Variants in MAGEA11 observed in about 807,000 individuals in gnomAD.
MAGEA11 encodes MAGE family member A11.
MAGEA11 carries 1 observed loss-of-function variant against 8.4 expected under a neutral mutation model. The observed-to-expected ratio is 0.12, with a 90% CI of 0.04 to 0.57. The LOEUF (loss-of-function observed/expected upper bound fraction) is 0.57. Ranked by LOEUF, MAGEA11 falls within the 20% of genes least tolerant of loss-of-function variation. The pLI is 0.91. For missense variants in MAGEA11, 209 were observed against 317.3 expected, an observed-to-expected ratio of 0.66 and a Z score of 2.59; for synonymous variants, 127 against 119.3, an observed-to-expected ratio of 1.06 and a Z score of -0.42.
intron 4 of MAGEA11, 26 bp from the exon 5 acceptor site, chrX:149,715,727 T>G: frequency 1.7e-6 from 2 of 1,201,271 alleles, no homozygotes; most frequent in Non-Finnish European, 1.1e-6. Flanking sequence ...CATCTGAGTC[T>G]GTTCTCACGC....
At chrX:149,704,078 A>G (rs1334608963) in intron 1 of MAGEA11, among the ~76,000 whole-genome samples, 1 of 112,401 alleles carries the variant, frequency 8.9e-6, no homozygotes, top group East Asian at 2.8e-4. Context: ...TTCCACTGCT[A>G]ACTATTGCCC....
At chrX:149,711,490 C>T (rs1211848379), upstream of MAGEA11, among the ~76,000 whole-genome samples, 1 of 111,723 alleles carries the variant, frequency 9.0e-6, no homozygotes, top group Non-Finnish European at 1.9e-5. Flanking sequence ...GGTACTGAAG[C>T]CACATGGAAG....
At chrX:149,708,088 A>G (rs1176549025), upstream of MAGEA11, among the ~76,000 whole-genome samples, 3 of 112,540 alleles carry the variant, frequency 2.7e-5, no homozygotes, top group East Asian at 5.5e-4. Context: ...CTCTGTGGAT[A>G]GTTTCTTTTG....
At position 149,715,847 on chromosome X, in the gene MAGEA11, A is replaced by G. The variant is rs782655074; in HGVS notation, c.361A>G (p.Lys121Glu). Residue 121 changes from lysine (K) to glutamate (E), a missense_variant, in exon 5 of 5, where the codon AAG (lysine) becomes GAG (glutamate). By Grantham distance (56) the Lys-to-Glu change is moderately conservative. Transcript: ENST00000355220. Reference protein sequence around the residue: ...MPLEQRSQHCKPEEGLQAQEE... With the variant: ...MPLEQRSQHCEPEEGLQAQEE... ...TCTTGAGCAAAGAAGTCAGCACTGC[A>G]AGCCTGAGGAAGGCCTTCAGGCCCA... 6.6e-6 allele frequency: 8 copies of G among 1,209,169 alleles called. No homozygotes were observed. In the African/African-American group the frequency reaches 1.2e-4, roughly 19 times the overall value.
rs946946972 is a variant in MAGEA11 at position 149,699,473 on chromosome X, T to C, written c.9+10489T>C. Reference sequence around the variant, plus strand: ...ACCCCTAGAAGATTGTGACTTCAGCTGTAAAGTTAGTCCCTGAAAGAGATA... The same window carrying C: ...ACCCCTAGAAGATTGTGACTTCAGCCGTAAAGTTAGTCCCTGAAAGAGATA... On this transcript the variant is annotated intron_variant, in intron 1 of 3. Coordinates refer to the MAGEA11 transcript ENST00000333104. Among the ~76,000 whole-genome samples, 8 of 112,224 alleles carry C rather than the reference T, an allele frequency of 7.1e-5. No homozygotes were observed. In the Admixed American group the frequency reaches 7.6e-4, roughly 11 times the overall value.
chrX:149,707,733 A>C (rs2090383269), upstream of MAGEA11, among the ~76,000 whole-genome samples: 1 of 112,072 alleles, frequency 8.9e-6, no homozygotes, highest in Non-Finnish European at 1.9e-5. Context: ...CCAACTTGTA[A>C]GACTCTCCAG....
At chrX:149,690,383 C>G (rs1305305953) in intron 1 of MAGEA11, among the ~76,000 whole-genome samples, 4 of 112,628 alleles carry the variant, frequency 3.6e-5, no homozygotes, top group African/African-American at 1.3e-4. Flanking sequence ...TCTCTGTTCA[C>G]ATAATAAACG....
At chrX:149,693,475 A>G (rs2090318400) in intron 1 of MAGEA11, among the ~76,000 whole-genome samples, 1 of 111,624 alleles carries the variant, frequency 9.0e-6, no homozygotes, top group Non-Finnish European at 1.9e-5. Context: ...TTCAGCTTTT[A>G]TGAGCTCAGT....
upstream of MAGEA11, among the ~76,000 whole-genome samples, chrX:149,711,143 G>A (rs1313229561): frequency 9.0e-6 from 1 of 111,674 alleles, no homozygotes; most frequent in African/African-American, 3.3e-5. Context: ...CTAAAACCAC[G>A]TCAGTAAATA....
intron 1 of MAGEA11, among the ~76,000 whole-genome samples, chrX:149,701,042 T>C (rs1376368622): frequency 6.3e-5 from 7 of 110,891 alleles, no homozygotes; most frequent in Non-Finnish European, 5.7e-5. Context: ...GCATGTGTCT[T>C]TATAGCAGCA....
intron 1 of MAGEA11, among the ~76,000 whole-genome samples, chrX:149,699,173 A>G (rs1206545414): frequency 8.9e-6 from 1 of 111,923 alleles, no homozygotes; most frequent in African/African-American, 3.2e-5. Context: ...CTTAATCACA[A>G]TCTACCTTCA....
chrX:149,695,256 G>C (rs1386063565), intron 1 of MAGEA11, among the ~76,000 whole-genome samples: 1 of 110,358 alleles, frequency 9.1e-6, no homozygotes, highest in Non-Finnish European at 1.9e-5. Flanking sequence ...CTGGATCGTT[G>C]ACACCTAAAA....
chrX:149,692,020 T>G (rs1557360174), intron 1 of MAGEA11, among the ~76,000 whole-genome samples: 1 of 112,507 alleles, frequency 8.9e-6, no homozygotes. Context: ...AAACCACAAG[T>G]GGTCCAGGGC....
chrX:149,705,474 A>G (rs1557361389), intron 1 of MAGEA11, among the ~76,000 whole-genome samples: 2 of 112,522 alleles, frequency 1.8e-5, no homozygotes, highest in South Asian at 3.7e-4. Flanking sequence ...TGTAAGTCCA[A>G]TTAAACCCCT....
chrX:149,696,637 C>A (rs2090331410), intron 1 of MAGEA11, among the ~76,000 whole-genome samples: 1 of 110,786 alleles, frequency 9.0e-6, no homozygotes, highest in African/African-American at 3.3e-5. Flanking sequence ...AGGATCCAAG[C>A]TGGTGGTGCC....
chrX:149,695,223 T>C (rs1315159950), intron 1 of MAGEA11, among the ~76,000 whole-genome samples: 2 of 111,609 alleles, frequency 1.8e-5, no homozygotes, highest in African/African-American at 6.5e-5. Flanking sequence ...TTTTCTCTTT[T>C]ATTAGCTAAT....
At position 149,714,686 on chromosome X, in the gene MAGEA11, G is replaced by C. The variant is rs1408791613; in HGVS notation, c.192+110G>C. The C allele has an allele frequency of 3.5e-5, 38 of 1,091,471 alleles. No individual in the cohort carries two copies. In the African/African-American group the frequency reaches 5.5e-4, roughly 16 times the overall value. 89.9% of individuals were successfully genotyped at this position (1,091,471 alleles called of 1,213,427 possible). On this transcript the variant is annotated intron_variant, in intron 3 of 4. Transcript: ENST00000355220. The stretch of plus-strand genomic sequence containing the variant: ...CCCCAGAGAGCATGTGCAGGACTAT[G>C]TGCTGAGACCCCTCTCTTATACTGG...
rs2090423956 is a variant in MAGEA11, at chrX:149,715,842, A to C, written c.356A>C (p.His119Pro). 4 of 1,210,881 alleles carry C rather than the reference A, an allele frequency of 3.3e-6. No homozygotes were observed. The highest frequency in any genetic ancestry group is 4.5e-6 in the Non-Finnish European group (4 of 895,090). ...ATGCCTCTTGAGCAAAGAAGTCAGCACTGCAAGCCTGAGGAAGGCCTTCAG... is the reference window on the plus strand; with the variant it reads ...ATGCCTCTTGAGCAAAGAAGTCAGCCCTGCAAGCCTGAGGAAGGCCTTCAG... ...VIMPLEQRSQ[H>P]CKPEEGLQAQ... The change falls in exon 5 of 5, where the codon CAC becomes CCC. Residue 119 changes from histidine (H) to proline (P), a missense_variant. This residue lies in a region of MAGEA11 where 131 missense variants were observed against 138.5 expected (regional missense o/e 0.95). Transcript: ENST00000355220.
At chrX:149,712,576 C>T (rs1362931902) in intron 1 of MAGEA11, among the ~76,000 whole-genome samples, 2 of 111,602 alleles carry the variant, frequency 1.8e-5, no homozygotes, top group African/African-American at 6.5e-5. Flanking sequence ...GCAGCGGGCC[C>T]AGGCTCTGTG....
Sources: allele counts gnomAD v4.1 joint callset (sites outside exome capture counted in the v4.1 genomes callset), GRCh38; gene constraint gnomAD v4.1.1; regional missense constraint gnomAD v4.1.1; transcripts MANE v1.5; gene names NCBI Gene and HGNC (gene_info 2026-07-23, HGNC 2026-07-21).